CLEC17A: variants seen among roughly 807,000 people sequenced by gnomAD.
The protein encoded by CLEC17A is C-type lectin domain family 17, member A.
In CLEC17A, 37 loss-of-function variants were observed where a neutral mutation model predicts 61.3. The observed-to-expected ratio is 0.60, with a 90% CI of 0.46 to 0.79. The LOEUF is 0.79. CLEC17A is among the 30% of genes least tolerant of loss of function. The pLI, the probability that CLEC17A is intolerant of heterozygous loss-of-function variation, is 0.00. For synonymous variants in CLEC17A, 168 were observed against 164.9 expected (o/e 1.02, Z -0.14); for missense variants, 418 against 464.7 (o/e 0.90, Z 0.92).
intron 12 of CLEC17A, 30 bp downstream of exon 12, chr19:14,600,212 C>T: frequency 6.2e-7 from 1 of 1,608,158 alleles, no homozygotes; most frequent in Non-Finnish European, 8.5e-7. Flanking sequence ...CCTTTGAGAA[C>T]CTTCAGGGAC....
At chr19:14,603,278 G>A (rs182095711) in intron 12 of CLEC17A, among the ~76,000 whole-genome samples, 1 of 152,160 alleles carries the variant, frequency 6.6e-6, no homozygotes. Context: ...AGCACACATC[G>A]GGTCTTTGCT....
chr19:14,589,267 C>T (rs2074359854), intron 3 of CLEC17A, among the ~76,000 whole-genome samples: 2 of 130,804 alleles, frequency 1.5e-5, no homozygotes, highest in East Asian at 3.9e-4. Flanking sequence ...ATCCAAACCT[C>T]ACCTCATCTT....
chr19:14,590,260 G>A (rs1345368399), intron 3 of CLEC17A, among the ~76,000 whole-genome samples: 1 of 151,894 alleles, frequency 6.6e-6, no homozygotes, highest in Non-Finnish European at 1.5e-5. Context: ...CCACTTCCAG[G>A]AGGCACTTCC....
chr19:14,582,337 C>G (rs910152983), upstream of CLEC17A, among the ~76,000 whole-genome samples: 1 of 151,428 alleles, frequency 6.6e-6, no homozygotes, highest in Non-Finnish European at 1.5e-5. Flanking sequence ...CTCAGCCTCC[C>G]GAGTAGCTGG....
intron 13 of CLEC17A, among the ~76,000 whole-genome samples, chr19:14,608,642 T>C (rs1349788534): frequency 6.7e-6 from 1 of 148,856 alleles, no homozygotes; most frequent in Non-Finnish European, 1.5e-5. Context: ...TTTTTTTTTT[T>C]TTTTTTTTTG....
rs1227560833 is a variant in CLEC17A at position 14,611,342 on chromosome 19, C to G, written c.*1146C>G. On this transcript the variant is annotated 3_prime_UTR_variant, in exon 14 of 14. Transcript: ENST00000417570. ...CTAAGTGGCAGAATCAGACTTTTGCCAGAAGACTTGGCCCGTGGAACTTCT... is the reference window on the plus strand; with the variant it reads ...CTAAGTGGCAGAATCAGACTTTTGCGAGAAGACTTGGCCCGTGGAACTTCT... Among the ~76,000 whole-genome samples, 3 of 150,182 alleles carry G rather than the reference C, an allele frequency of 2.0e-5. No homozygotes were observed. The East Asian group carries it at 5.9e-4, about 29-fold the overall frequency.
intron 10 of CLEC17A, among the ~76,000 whole-genome samples, chr19:14,598,069 C>T (rs2074592542): frequency 6.6e-6 from 1 of 152,220 alleles, no homozygotes. Flanking sequence ...CACACTGCCT[C>T]ACCCTATGCT....
chr19:14,600,104 C>A lies in CLEC17A; in HGVS notation c.816C>A (p.Thr272=), dbSNP rs2074667515. 1.2e-6 allele frequency: 2 copies of A among 1,613,988 alleles called. No individual in the cohort carries two copies. The highest frequency in any genetic ancestry group is 2.7e-5 in the African/African-American group (2 of 75,042). The change falls in exon 12 of 14, where the codon ACC becomes ACA. Residue 272 remains threonine (T), a synonymous_variant. Coordinates refer to ENST00000417570, the MANE Select transcript of CLEC17A (RefSeq NM_001204118.2). ...AGTGTTACTACTTCTCCCCAAGCAC[C>A]AAGTCATGGGATGAGGCCCGGATGT... ...EGKCYYFSPS[T]KSWDEARMFC...
In CLEC17A at chr19:14,607,033, G is replaced by A; in HGVS notation, c.935G>A (p.Trp312Ter). 1 of 1,340,166 alleles carries A rather than the reference G, an allele frequency of 7.5e-7. No individual in the cohort carries two copies. The highest frequency in any genetic ancestry group is 9.6e-7 in the Non-Finnish European group (1 of 1,039,434). 83.0% of individuals were successfully genotyped at this position (1,340,166 alleles called of 1,614,324 possible). A position where few individuals can be genotyped will look rare whatever the true frequency, so the allele number is the denominator to read the frequency against. The part of the protein sequence containing the change: ...AKAHGSPRVY[W>*]LGLNDRAQEG... ...GCCCATGGCTCTCCACGGGTGTACT[G>A]GCTGGGGCTGAATGACAGGGCCCAG... Residue 312 changes from tryptophan (W) to a stop codon, truncating the protein, a stop_gained, in exon 13 of 14, where the codon TGG becomes TAG. Coordinates refer to ENST00000417570, the MANE Select transcript of CLEC17A (RefSeq NM_001204118.2). LOFTEE classifies it high-confidence loss of function.
intron 3 of CLEC17A, among the ~76,000 whole-genome samples, chr19:14,591,045 C>A (rs71334729): frequency 9.2e-5 from 14 of 152,080 alleles, no homozygotes; most frequent in South Asian, 6.2e-4. Flanking sequence ...GTCTAGATTG[C>A]AGGAAGAAGT....
chr19:14,608,358 C>T (rs943076572), intron 13 of CLEC17A, among the ~76,000 whole-genome samples: 8 of 152,112 alleles, frequency 5.3e-5, no homozygotes, highest in Non-Finnish European at 1.2e-4. Flanking sequence ...TAGCATTGCT[C>T]ATTATTTTGG....
rs1353831766 is a variant in CLEC17A at position 14,610,359 on chromosome 19, G to A, written c.*163G>A. 2.5e-5 allele frequency: 24 copies of A among 966,424 alleles called. No homozygotes were observed. The highest frequency in any genetic ancestry group is 3.3e-5 in the Non-Finnish European group (22 of 662,960). The allele number at this position is 966,424 out of a possible 1,614,324, so 59.9% of individuals were successfully genotyped here. A position where few individuals can be genotyped will look rare whatever the true frequency, so the allele number is the denominator to read the frequency against. ...GCAAGTTCCCAGGGGTGCAAGTCAGGCTGTTTCTAGAGTGAGGACTTGGGC... is the reference window on the plus strand; with the variant it reads ...GCAAGTTCCCAGGGGTGCAAGTCAGACTGTTTCTAGAGTGAGGACTTGGGC... On this transcript the variant is annotated 3_prime_UTR_variant, in exon 14 of 14. Coordinates refer to ENST00000417570, the MANE Select transcript of CLEC17A (RefSeq NM_001204118.2).
At chr19:14,583,078 G>A, upstream of CLEC17A, 1 of 1,470,666 alleles carries the variant, frequency 6.8e-7, no homozygotes, top group Non-Finnish European at 9.4e-7. Context: ...AACTGAGAGA[G>A]CCCCCAGACG....
intron 9 of CLEC17A, 25 bp from the exon 10 acceptor site, chr19:14,597,074 G>A (rs1331711207): frequency 1.9e-6 from 3 of 1,612,276 alleles, no homozygotes; most frequent in Non-Finnish European, 8.5e-7. Context: ...GAGGACCTGG[G>A]CTCAATTTGG....
intron 12 of CLEC17A, among the ~76,000 whole-genome samples, chr19:14,601,466 A>T (rs551815915): frequency 6.6e-6 from 1 of 152,210 alleles, no homozygotes; most frequent in South Asian, 2.1e-4. Context: ...AATATGTATC[A>T]TCTGTACTTC....
Position 14,592,262 on chromosome 19 carries a change from C to T in CLEC17A, c.200-19C>T. 7.0e-6 allele frequency: 11 copies of T among 1,574,806 alleles called. No homozygotes were observed. The highest frequency in any genetic ancestry group is 9.5e-6 in the Non-Finnish European group (11 of 1,159,636). ...GGAGGAGGGAATGGCTGGGCTCTGA[C>T]TTGCCTTTCCCCTGGAAGGGACCAT... On this transcript the variant is annotated intron_variant, in intron 3 of 13. Transcript: ENST00000417570.
intron 3 of CLEC17A, among the ~76,000 whole-genome samples, chr19:14,592,052 C>T (rs1356015652): frequency 6.6e-6 from 1 of 152,172 alleles, no homozygotes; most frequent in Non-Finnish European, 1.5e-5. Context: ...GACCTGGCTA[C>T]CACTTGTCAT....
Position 14,583,378 on chromosome 19 carries a change from A to G in CLEC17A, c.65A>G (p.Glu22Gly). The stretch of plus-strand genomic sequence containing the variant: ...GAAGGGACCATGGAGGAGGAGGAGG[A>G]GGATGATGACTATGAGAACTCAACA... ...DPPGTMEEEE[E>G]DDDYENSTPP... The change falls in exon 2 of 14, where the codon GAG becomes GGG. Residue 22 changes from glutamate to glycine, a missense_variant. Transcript: ENST00000417570. 1 of 1,611,996 alleles carries G rather than the reference A, an allele frequency of 6.2e-7. No individual in the cohort carries two copies. The highest frequency in any genetic ancestry group is 8.5e-7 in the Non-Finnish European group (1 of 1,179,122).
At chr19:14,599,003 C>T (rs10415354) in intron 10 of CLEC17A, among the ~76,000 whole-genome samples, 28,908 of 150,714 alleles carry the variant, frequency 0.19, 3,026 homozygotes, top group Non-Finnish European at 0.22. Flanking sequence ...GCTTTGATCT[C>T]AAGCTTTTCT....
Sources: allele counts gnomAD v4.1 joint callset (sites outside exome capture counted in the v4.1 genomes callset), GRCh38; gene constraint gnomAD v4.1.1; transcripts MANE v1.5; gene names NCBI Gene and HGNC (gene_info 2026-07-23, HGNC 2026-07-21).